The following DEGS2 variants were observed in gnomAD, a reference collection of about 807,000 sequenced individuals.
DEGS2 encodes the protein sphingolipid delta(4)-desaturase/C4-monooxygenase DES2.
Under a neutral mutation model 23.8 loss-of-function variants are expected in DEGS2, and 19 were observed. The ratio of observed to expected loss-of-function variants is 0.80; its 90% CI spans 0.56 to 1.17. The LOEUF is 1.17. DEGS2 is among the 50% of genes most tolerant of loss of function. The pLI is 0.00. For synonymous variants in DEGS2, 218 were observed against 213.7 expected (o/e 1.02, Z -0.18); for missense variants, 390 against 459.5 (o/e 0.85, Z 1.38).
Position 100,159,622 on chromosome 14 carries a change from G to A in DEGS2, c.-35C>T. On this transcript the variant is annotated 5_prime_UTR_variant, in exon 1 of 3. Transcript: ENST00000305631. ...GGAGGCGCCGTTCGGAGCGCGGCCG[G>A]CTCGGCTCTGCTGCACCTGTCGCGG... 1.4e-6 allele frequency: 2 copies of A among 1,439,728 alleles called. No homozygotes were observed. The highest frequency in any genetic ancestry group is 1.8e-6 in the Non-Finnish European group (2 of 1,085,972). The allele number at this position is 1,439,728 out of a possible 1,614,324, so 89.2% of individuals were successfully genotyped here. A position where few individuals can be genotyped will look rare whatever the true frequency, so the allele number is the denominator to read the frequency against.
chr14:100,166,297 G>GT, the DEGS2 span, among the ~76,000 whole-genome samples: 1 of 56,956 alleles, frequency 1.8e-5, no homozygotes, highest in Non-Finnish European at 3.4e-5. Flanking sequence ...GGGGGAGCCT[G>GT]CCCGGGGCTG....
chr14:100,155,631 G>C (rs1431052790), intron 1 of DEGS2: 1 of 152,236 alleles, frequency 6.6e-6, no homozygotes, highest in African/African-American at 2.4e-5. Flanking sequence ...CTGTGGCTGG[G>C]AGATGGAGCC....
intron 2 of DEGS2, 84 bp from the exon 3 acceptor site, chr14:100,146,991 C>T (rs1889459222): frequency 7.4e-6 from 11 of 1,495,700 alleles, no homozygotes; most frequent in African/African-American, 1.4e-5. Flanking sequence ...TGAGCACACG[C>T]GGTGGGCATG....
chr14:100,154,578 G>A (rs1889628969), intron 1 of DEGS2, among the ~76,000 whole-genome samples: 1 of 152,234 alleles, frequency 6.6e-6, no homozygotes, highest in Non-Finnish European at 1.5e-5. Flanking sequence ...TGAAACGTCT[G>A]CACACTTATA....
intron 1 of DEGS2, among the ~76,000 whole-genome samples, chr14:100,157,428 G>GC (rs1889675473): frequency 6.6e-6 from 1 of 152,202 alleles, no homozygotes; most frequent in African/African-American, 2.4e-5. Flanking sequence ...GGCCAAGGAG[G>GC]CCCCTGCTCC....
In DEGS2 at chr14:100,157,839, A is replaced by G. The variant is rs111839640; in HGVS notation, c.82+1667T>C. ...GCAGTGGCTCACACCTGTAATCCCA[A>G]CAGTTTGGGAGGCAGAGGCGGGTGA... is the stretch of plus-strand genomic sequence containing the variant. On this transcript the variant is annotated intron_variant, in intron 1 of 2. Coordinates refer to ENST00000305631, the MANE Select transcript of DEGS2 (RefSeq NM_206918.3). Among the ~76,000 whole-genome samples the G allele has an allele frequency of 7.3e-3, 1,116 of 152,282 alleles. 20 individuals carry two copies. The highest frequency in any genetic ancestry group is 0.026 in the African/African-American group (1,068 of 41,564).
In DEGS2 at chr14:100,146,856, A is replaced by G. The variant is rs751321014; in HGVS notation, c.877T>C (p.Trp293Arg). 2 of 1,613,646 alleles carry G rather than the reference A, an allele frequency of 1.2e-6. No homozygotes were observed. Among genetic ancestry groups the G allele is most frequent in the Admixed American group, 1.7e-5 (1 of 59,982 alleles). Residue 293 changes from tryptophan (W) to arginine (R), a missense_variant, in exon 3 of 3, where the codon TGG becomes CGG. Trp to Arg is a moderately radical substitution (Grantham distance 101, BLOSUM62 -3). Transcript: ENST00000305631. ...YYDHLPQHHS[W>R]VKVLWDFVFE... ...ACAAAATCCCAGAGCACCTTCACCCAGGAGTGGTGCTGCGGCAGGTGGTCG... is the reference window on the plus strand; with the variant it reads ...ACAAAATCCCAGAGCACCTTCACCCGGGAGTGGTGCTGCGGCAGGTGGTCG...
rs180913075 is a variant in DEGS2, at chr14:100,154,513, G to A, written c.83-4803C>T. Reference sequence around the variant, plus strand: ...GCCTCTGTGGCTGGGAGCCCATGGAGGTGGGGTCTTCCCTAGGGGCCTATG... The same window carrying A: ...GCCTCTGTGGCTGGGAGCCCATGGAAGTGGGGTCTTCCCTAGGGGCCTATG... On this transcript the variant is annotated intron_variant, in intron 1 of 2. Coordinates refer to ENST00000305631, the MANE Select transcript of DEGS2 (RefSeq NM_206918.3). 1.4e-3 allele frequency among the ~76,000 whole-genome samples: 212 copies of A among 152,362 alleles called. 2 individuals carry two copies. Among genetic ancestry groups the A allele is most frequent in the African/African-American group, 4.9e-3 (205 of 41,578 alleles).
chr14:100,166,239 T>C, the DEGS2 span, among the ~76,000 whole-genome samples: 10,274 of 38,454 alleles, frequency 0.27, 2,335 homozygotes, highest in African/African-American at 0.35. Flanking sequence ...TCCAGGAGAG[T>C]GGGGGGAGCC....
intron 1 of DEGS2, among the ~76,000 whole-genome samples, chr14:100,149,932 G>A (rs969464724): frequency 3.3e-5 from 5 of 152,254 alleles, no homozygotes; most frequent in African/African-American, 1.2e-4. Flanking sequence ...CTCCAGCAGG[G>A]GCACATGTGG....
chr14:100,147,552 G>A (rs1402013089), intron 2 of DEGS2, among the ~76,000 whole-genome samples: 5 of 151,864 alleles, frequency 3.3e-5, no homozygotes, highest in African/African-American at 4.8e-5. Flanking sequence ...CTTCCTCCAG[G>A]AAGTGCTCCC....
Position 100,146,765 on chromosome 14 carries a change from A to G in DEGS2, c.968T>C (p.Leu323Pro). The G allele has an allele frequency of 6.2e-7, 1 of 1,613,328 alleles. No individual in the cohort carries two copies. Among genetic ancestry groups the G allele is most frequent in the Non-Finnish European group, 8.5e-7 (1 of 1,179,686 alleles). ...CCACCAGGAGGCAGCCCGGGCTCAC[A>G]GACCATCTTTTGCCAGCCTGTACAC... is the stretch of plus-strand genomic sequence containing the variant. ...KRVYRLAKDG[L>P] Residue 323 changes from leucine (L) to proline (P), a missense_variant, in exon 3 of 3, where the codon CTG becomes CCG. Leu to Pro is a moderately conservative substitution (Grantham distance 98). Transcript: ENST00000305631.
chr14:100,150,194 G>A (rs1463303013), intron 1 of DEGS2, among the ~76,000 whole-genome samples: 1 of 152,198 alleles, frequency 6.6e-6, no homozygotes, highest in African/African-American at 2.4e-5. Context: ...CACTCAGGAA[G>A]GCTCTGGCCC....
intron 1 of DEGS2, 32 bp downstream of exon 1, chr14:100,159,473 TC>T (rs1889713757): frequency 6.9e-7 from 1 of 1,445,502 alleles, no homozygotes; most frequent in Non-Finnish European, 9.1e-7. Flanking sequence ...AACGGGGCGG[TC>T]CCCACCGGGG....
intron 2 of DEGS2, among the ~76,000 whole-genome samples, chr14:100,147,182 G>A (rs1334480604): frequency 3.3e-5 from 5 of 152,188 alleles, no homozygotes; most frequent in East Asian, 1.9e-4. Flanking sequence ...GAAGCGTGGC[G>A]CTGGCTGCTG....
chr14:100,166,238 G>A, the DEGS2 span, among the ~76,000 whole-genome samples: 2 of 122,946 alleles, frequency 1.6e-5, no homozygotes, highest in African/African-American at 6.3e-5. Flanking sequence ...ATCCAGGAGA[G>A]TGGGGGGAGC....
chr14:100,151,001 C>G (rs1048530495), intron 1 of DEGS2, among the ~76,000 whole-genome samples: 3 of 152,196 alleles, frequency 2.0e-5, no homozygotes, highest in Admixed American at 1.3e-4. Context: ...CCCCTAAGTC[C>G]CCTCTGAGTG....
At position 100,151,118 on chromosome 14, in the gene DEGS2, G is replaced by A. The variant is rs371396112; in HGVS notation, c.83-1408C>T. Reference sequence around the variant, plus strand: ...CCAGCCATCACCTGGCCAATAGCAGGGGCCCACCAGCCTGCGTCTTCCCAT... The same window carrying A: ...CCAGCCATCACCTGGCCAATAGCAGAGGCCCACCAGCCTGCGTCTTCCCAT... On this transcript the variant is annotated intron_variant, in intron 1 of 2. Coordinates refer to ENST00000305631, the MANE Select transcript of DEGS2 (RefSeq NM_206918.3). 5.9e-5 allele frequency among the ~76,000 whole-genome samples: 9 copies of A among 152,354 alleles called. No homozygotes were observed. In the East Asian group the frequency reaches 1.2e-3, roughly 20 times the overall value.
chr14:100,143,991 G>A lies in DEGS2; in HGVS notation c.*2770C>T. 5.6e-6 allele frequency: 3 copies of A among 534,296 alleles called. No homozygotes were observed. Among genetic ancestry groups the A allele is most frequent in the Non-Finnish European group, 9.9e-6 (3 of 302,206 alleles). 33.1% of individuals were successfully genotyped at this position (534,296 alleles called of 1,614,324 possible). A position where few individuals can be genotyped will look rare whatever the true frequency, so the allele number is the denominator to read the frequency against. ...TTGTGTTTTATATTTGCTTATTTAA[G>A]GTACATTTCTTTGGGTTTCTAGAGA... On this transcript the variant is annotated 3_prime_UTR_variant, in exon 3 of 3. Coordinates refer to ENST00000305631, the MANE Select transcript of DEGS2 (RefSeq NM_206918.3).
Sources: gnomAD v4.1 joint callset for allele counts (sites outside exome capture counted in the v4.1 genomes callset) on GRCh38, gnomAD v4.1.1 for gene constraint, MANE v1.5 for transcripts, NCBI Gene and HGNC (gene_info 2026-07-23, HGNC 2026-07-21) for gene names.